The following KCNIP4 variants were observed in gnomAD, a reference collection of about 807,000 sequenced individuals.
KCNIP4 encodes potassium voltage-gated channel interacting protein 4.
Under a neutral mutation model 34.0 loss-of-function variants are expected in KCNIP4, and 12 were observed. The ratio of observed to expected loss-of-function variants is 0.35; its 90% confidence interval spans 0.23 to 0.57. The LOEUF is 0.57. Ranked by LOEUF, KCNIP4 falls within the 20% of genes least tolerant of loss-of-function variation. KCNIP4 has a pLI of 0.83. For synonymous variants in KCNIP4, 124 were observed against 102.2 expected (o/e 1.21, Z -1.29); for missense variants, 238 against 311.7 (o/e 0.76, Z 1.78).
intron 1 of KCNIP4, among the ~76,000 whole-genome samples, chr4:21,941,984 T>C (rs1730229496): frequency 6.6e-6 from 1 of 152,172 alleles, no homozygotes; most frequent in South Asian, 2.1e-4. Context: ...CAGCCTGTAG[T>C]GAAAAGACTG....
At chr4:21,851,536 C>T (rs576334876) in intron 1 of KCNIP4, 5 of 152,244 alleles carry the variant, frequency 3.3e-5, no homozygotes, top group South Asian at 4.2e-4. Context: ...AGCCAAACTG[C>T]ACTTTACCCC....
In KCNIP4 at chr4:21,438,937, C is replaced by G. The variant is rs1392533711; in HGVS notation, c.61+509634G>C. 7.9e-5 allele frequency among the ~76,000 whole-genome samples: 12 copies of G among 152,078 alleles called. No homozygotes were observed. The South Asian group carries it at 2.3e-3, about 29-fold the overall frequency. On this transcript the variant is annotated intron_variant, in intron 1 of 8. Transcript: ENST00000382152. ...CAGCACTTTGGGAGGCCGAGGTGGG[C>G]AGATCACGAGGTCAGGAGATCGAGA...
At chr4:21,439,039 G>C (rs1392172012) in intron 1 of KCNIP4, among the ~76,000 whole-genome samples, 1 of 151,910 alleles carries the variant, frequency 6.6e-6, no homozygotes. Context: ...GCGGGCGCCT[G>C]TAGTCCCAGG....
chr4:21,323,335 T>C (rs942487651), intron 1 of KCNIP4, among the ~76,000 whole-genome samples: 6 of 152,084 alleles, frequency 3.9e-5, no homozygotes, highest in African/African-American at 1.4e-4. Flanking sequence ...CACCCTGTTG[T>C]GCTATCAAAT....
chr4:21,222,864 G>A (rs1029453127), intron 1 of KCNIP4, among the ~76,000 whole-genome samples: 3 of 152,172 alleles, frequency 2.0e-5, no homozygotes, highest in African/African-American at 4.8e-5. Flanking sequence ...CCCAACAGGA[G>A]GCAAGTTGTT....
intron 1 of KCNIP4, among the ~76,000 whole-genome samples, chr4:21,473,712 A>AATC (rs1560440500): frequency 6.8e-6 from 1 of 146,578 alleles, no homozygotes; most frequent in African/African-American, 2.6e-5. Context: ...AAGACTGAGA[A>AATC]TTCTTTTTTT....
intron 1 of KCNIP4, among the ~76,000 whole-genome samples, chr4:21,790,189 A>G (rs1295414796): frequency 2.6e-5 from 4 of 152,342 alleles, no homozygotes; most frequent in Admixed American, 6.5e-5. Context: ...GGCTAGAAGA[A>G]ATAAAAATGA....
At chr4:21,829,747 A>C (rs1722870766) in intron 1 of KCNIP4, among the ~76,000 whole-genome samples, 1 of 152,066 alleles carries the variant, frequency 6.6e-6, no homozygotes, top group South Asian at 2.1e-4. Flanking sequence ...GAAAGAAAGA[A>C]AAAGAGGAAG....
intron 3 of KCNIP4, among the ~76,000 whole-genome samples, chr4:20,830,999 T>C (rs1718363544): frequency 6.6e-6 from 1 of 152,210 alleles, no homozygotes; most frequent in African/African-American, 2.4e-5. Context: ...TATCATATAG[T>C]CAAGACTTTT....
rs1461647744 is a variant in KCNIP4, at chr4:21,137,873, T to TTTTTTTC, written c.62-255165_62-255164insGAAAAAA. Among the ~76,000 whole-genome samples, 64 of 134,502 alleles carry TTTTTTTC rather than the reference T, an allele frequency of 4.8e-4. 2 individuals are homozygous for TTTTTTTC. The highest frequency in any genetic ancestry group is 1.8e-3 in the African/African-American group (61 of 34,696). 88.2% of individuals were successfully genotyped at this position (134,502 alleles called of 152,430 possible). On this transcript the variant is annotated intron_variant, in intron 1 of 8. Transcript: ENST00000382152. ...GAAGGCTTTTTCCCTTACACAGGCT[T>TTTTTTTC]TTTTGTTTTTTTTTTTTTGATGGAG...
chr4:20,829,145 TAAG>T (rs797018739), intron 3 of KCNIP4, among the ~76,000 whole-genome samples: 6 of 152,318 alleles, frequency 3.9e-5, no homozygotes, highest in African/African-American at 1.4e-4. Context: ...GTGTCTTCTC[TAAG>T]TTTAAGACGA....
chr4:21,530,212 C>T (rs1378889138), intron 1 of KCNIP4, among the ~76,000 whole-genome samples: 2 of 152,062 alleles, frequency 1.3e-5, no homozygotes, highest in African/African-American at 4.8e-5. Flanking sequence ...TGTGTTTCTC[C>T]TTATAATTTT....
intron 1 of KCNIP4, among the ~76,000 whole-genome samples, chr4:21,236,735 C>T (rs530015534): frequency 3.6e-4 from 54 of 151,876 alleles, no homozygotes; most frequent in African/African-American, 1.0e-3. Flanking sequence ...TCAGGCCGGG[C>T]GCGGTGGCTC....
At chr4:21,747,847 A>C (rs1716875932) in intron 1 of KCNIP4, among the ~76,000 whole-genome samples, 1 of 152,118 alleles carries the variant, frequency 6.6e-6, no homozygotes. Flanking sequence ...AGGTGAACTC[A>C]TACTGGATTA....
chr4:21,708,060 G>A (rs1275105547), intron 1 of KCNIP4, among the ~76,000 whole-genome samples: 1 of 151,864 alleles, frequency 6.6e-6, no homozygotes, highest in Admixed American at 6.6e-5. Context: ...ATAAGGAACT[G>A]GGGTTCTAAT....
At chr4:20,850,498 C>G (rs199789878) in intron 3 of KCNIP4, 45 bp downstream of exon 3, 1 of 1,597,918 alleles carries the variant, frequency 6.3e-7, no homozygotes, top group Non-Finnish European at 8.6e-7. Flanking sequence ...TCTCAATGCT[C>G]CTCTGGGAAT....
chr4:21,032,434 AC>A (rs1741106128), intron 1 of KCNIP4, among the ~76,000 whole-genome samples: 1 of 151,828 alleles, frequency 6.6e-6, no homozygotes, highest in African/African-American at 2.4e-5. Context: ...TTTTCTTATA[AC>A]CCCTCTAATA....
At chr4:20,841,653 G>A (rs955027329) in intron 3 of KCNIP4, among the ~76,000 whole-genome samples, 15 of 151,418 alleles carry the variant, frequency 9.9e-5, no homozygotes, top group African/African-American at 3.4e-4. Context: ...TCTCCTTTCC[G>A]TCTTAATCTC....
At chr4:21,270,985 C>CAA (rs755171963) in intron 1 of KCNIP4, among the ~76,000 whole-genome samples, 32,722 of 131,636 alleles carry the variant, frequency 0.25, 4,323 homozygotes, top group South Asian at 0.33. Context: ...GTCCCTGTCC[C>CAA]CAAAAAAAAA....
Sources: gnomAD v4.1 joint callset for allele counts (sites outside exome capture counted in the v4.1 genomes callset) on GRCh38, gnomAD v4.1.1 for gene constraint, MANE v1.5 for transcripts, NCBI Gene and HGNC (gene_info 2026-07-23, HGNC 2026-07-21) for gene names.